ABCC11: variants seen among roughly 807,000 people sequenced by gnomAD.
ABCC11 encodes ATP-binding cassette sub-family C member 11.
Under a neutral mutation model 149.3 loss-of-function variants are expected in ABCC11, and 135 were observed. That is an observed-to-expected ratio of 0.90 (90% CI 0.79 to 1.04). The LOEUF (loss-of-function observed/expected upper bound fraction) is 1.04. Among genes scored for constraint, ABCC11 ranks in the 50% least tolerant of loss-of-function variants. The probability of loss-of-function intolerance (pLI) is 0.00; values close to 1 mark genes in which losing one functional copy is unlikely to be tolerated. For missense variants in ABCC11, 1,680 were observed against 1,722.1 expected (o/e 0.98, Z 0.43); for synonymous variants, 665 against 671.4 (o/e 0.99, Z 0.15).
chr16:48,224,699 A>C (rs74016320), intron 4 of ABCC11, among the ~76,000 whole-genome samples: 1 of 152,234 alleles, frequency 6.6e-6, no homozygotes, highest in African/African-American at 2.4e-5. Flanking sequence ...GCTTCAGTAT[A>C]TATCTCTTTC....
intron 10 of ABCC11, among the ~76,000 whole-genome samples, chr16:48,211,684 A>G (rs1968939722): frequency 6.6e-6 from 1 of 152,100 alleles, no homozygotes; most frequent in Admixed American, 6.6e-5. Flanking sequence ...ATCTCTTTAA[A>G]AAAAAAAAAA....
intron 1 of ABCC11, among the ~76,000 whole-genome samples, chr16:48,236,781 C>G (rs535007294): frequency 2.2e-4 from 33 of 152,312 alleles, no homozygotes; most frequent in African/African-American, 7.9e-4. Flanking sequence ...AAACTTGGGC[C>G]TATTCCCACA....
At chr16:48,243,319 A>G (rs1159788307) in intron 1 of ABCC11, among the ~76,000 whole-genome samples, 4 of 149,792 alleles carry the variant, frequency 2.7e-5, no homozygotes, top group Non-Finnish European at 5.9e-5. Flanking sequence ...GGAGAATGGC[A>G]TGAACCCGGG....
chr16:48,200,475 C>G lies in ABCC11; in HGVS notation c.1883G>C (p.Gly628Ala). 1 of 1,613,858 alleles carries G rather than the reference C, an allele frequency of 6.2e-7. No homozygotes were observed. Among genetic ancestry groups the G allele is most frequent in the Non-Finnish European group, 8.5e-7 (1 of 1,179,918 alleles). Residue 628 changes from glycine (G) to alanine (A), a missense_variant, in exon 15 of 30, where the codon GGA becomes GCA. Coordinates refer to ENST00000356608, the MANE Select transcript of ABCC11 (RefSeq NM_001370497.1). ...LLPFGDMTEI[G>A]ERGLNLSGGQ... ...CCCAGAGAGGTTGAGGCCCCGCTCT[C>G]CAATCTGCAGACAGGCAGTAAAAGG...
intron 1 of ABCC11, among the ~76,000 whole-genome samples, chr16:48,239,742 A>G (rs1010314087): frequency 6.6e-6 from 1 of 152,182 alleles, no homozygotes; most frequent in African/African-American, 2.4e-5. Context: ...TGAACAGACA[A>G]CCTACAGAAT....
intron 22 of ABCC11, 71 bp downstream of exon 22, chr16:48,186,882 G>T: frequency 6.4e-7 from 1 of 1,568,270 alleles, no homozygotes; most frequent in Non-Finnish European, 8.7e-7. Flanking sequence ...ACTCCCAGAC[G>T]CTCCATTCTT....
intron 1 of ABCC11, among the ~76,000 whole-genome samples, chr16:48,238,675 C>T (rs1166319904): frequency 6.6e-6 from 1 of 152,074 alleles, no homozygotes; most frequent in South Asian, 2.1e-4. Flanking sequence ...CGGTGGCTCA[C>T]GCCTGTAATC....
At chr16:48,244,377 A>G (rs1245487661) in intron 1 of ABCC11, 3 of 1,527,236 alleles carry the variant, frequency 2.0e-6, no homozygotes, top group Non-Finnish European at 2.6e-6. Flanking sequence ...CCCAGTGCGA[A>G]AGGCTGCCAG....
chr16:48,193,784 GCCATGCTCT>G, intron 19 of ABCC11, 86 bp downstream of exon 19: 1 of 1,034,224 alleles, frequency 9.7e-7, no homozygotes, highest in South Asian at 1.5e-5. Context: ...TGGGTCCCAA[GCCATGCTCT>G]GGCTCTTGTG....
intron 14 of ABCC11, 78 bp downstream of exon 14, chr16:48,203,150 C>T: frequency 1.4e-6 from 2 of 1,416,078 alleles, no homozygotes; most frequent in Non-Finnish European, 1.9e-6. Flanking sequence ...GGGATTCCTC[C>T]CTTCCCTGCC....
At chr16:48,211,282 C>A in intron 10 of ABCC11, 83 bp from the exon 11 acceptor site, 2 of 1,499,234 alleles carry the variant, frequency 1.3e-6, no homozygotes, top group Non-Finnish European at 1.8e-6. Context: ...TACAAGTCTG[C>A]CAGTTGGTAT....
At chr16:48,236,698 A>C (rs935258616) in intron 1 of ABCC11, among the ~76,000 whole-genome samples, 1 of 152,272 alleles carries the variant, frequency 6.6e-6, no homozygotes, top group Non-Finnish European at 1.5e-5. Context: ...TGTTCTCCAA[A>C]GTAGGCTGAC....
At position 48,176,986 on chromosome 16, in the gene ABCC11, T is replaced by C; in HGVS notation, c.3476A>G (p.His1159Arg). 1 of 1,614,180 alleles carries C rather than the reference T, an allele frequency of 6.2e-7. No individual in the cohort carries two copies. The highest frequency in any genetic ancestry group is 8.5e-7 in the Non-Finnish European group (1 of 1,180,026). The change falls in exon 25 of 30, where the codon CAC (histidine) becomes CGC (arginine). Residue 1159 changes from histidine (H) to arginine (R), a missense_variant. By Grantham distance (29) the His-to-Arg change is conservative. Transcript: ENST00000356608. ...KYRDNTPTVL[H>R]GINLTIRGHE... ...GCCGCGGATGGTCAGGTTGATGCCG[T>C]GAAGCACGGTGGGTGTGTTGTCTCT...
intron 12 of ABCC11, among the ~76,000 whole-genome samples, chr16:48,205,801 C>T (rs577824350): frequency 7.4e-5 from 11 of 149,168 alleles, no homozygotes; most frequent in South Asian, 6.2e-4. Flanking sequence ...ACACTCCATA[C>T]GTTTTTTCCT....
chr16:48,228,366 G>T (rs1970215096), intron 3 of ABCC11, among the ~76,000 whole-genome samples: 2 of 151,988 alleles, frequency 1.3e-5, no homozygotes, highest in African/African-American at 4.8e-5. Flanking sequence ...GGCCGAGGAG[G>T]GTGGATCACC....
At chr16:48,198,364 A>T in intron 15 of ABCC11, 89 bp from the exon 16 acceptor site, 1 of 1,355,720 alleles carries the variant, frequency 7.4e-7, no homozygotes. Flanking sequence ...AATTTAAACC[A>T]TGATAAAATA....
At chr16:48,205,696 C>T (rs1038546570) in intron 12 of ABCC11, among the ~76,000 whole-genome samples, 159 bp from the exon 13 acceptor site, 26 of 152,106 alleles carry the variant, frequency 1.7e-4, no homozygotes, top group African/African-American at 5.3e-4. Context: ...GGCCCACCAG[C>T]GAGTTCCAGG....
intron 23 of ABCC11, among the ~76,000 whole-genome samples, chr16:48,182,626 C>CA (rs1409343076): frequency 1.3e-5 from 2 of 151,960 alleles, no homozygotes; most frequent in African/African-American, 2.4e-5. Context: ...AAAAAAAATA[C>CA]AAAAAAATTA....
intron 19 of ABCC11, 88 bp from the exon 20 acceptor site, chr16:48,192,805 T>C (rs1967046746): frequency 7.5e-7 from 1 of 1,333,930 alleles, no homozygotes; most frequent in South Asian, 1.2e-5. Context: ...CACGTGAGAA[T>C]CTGTGGCTGG....
Sources: allele counts gnomAD v4.1 joint callset (sites outside exome capture counted in the v4.1 genomes callset), GRCh38; gene constraint gnomAD v4.1.1; transcripts MANE v1.5; gene names NCBI Gene and HGNC (gene_info 2026-07-23, HGNC 2026-07-21).